The following ZNF787 variants were observed in gnomAD, a reference collection of about 807,000 sequenced individuals.
ZNF787 encodes TTF-I-interacting peptide 20.
In ZNF787, 7 loss-of-function variants were observed where a neutral mutation model predicts 16.9. The observed-to-expected ratio is 0.42, with a 90% confidence interval of 0.24 to 0.78. ZNF787 has a LOEUF of 0.78. Ranked by LOEUF, ZNF787 falls within the 30% of genes least tolerant of loss-of-function variation. ZNF787 has a pLI of 0.30. For synonymous variants in ZNF787, 345 were observed against 270.9 expected, an observed-to-expected ratio of 1.27 and a Z score of -2.69; for missense variants, 551 against 589.3, an observed-to-expected ratio of 0.94 and a Z score of 0.67.
At chr19:56,096,853 C>T (rs541863178) in intron 2 of ZNF787, among the ~76,000 whole-genome samples, 7 of 152,280 alleles carry the variant, frequency 4.6e-5, no homozygotes, top group South Asian at 2.1e-4. Context: ...CTGTTGGCAC[C>T]GCTCCCTCCT....
At chr19:56,098,007 C>A (rs574380516) in intron 2 of ZNF787, among the ~76,000 whole-genome samples, 47 of 152,198 alleles carry the variant, frequency 3.1e-4, no homozygotes, top group Non-Finnish European at 5.6e-4. Flanking sequence ...AGCAAGGGCA[C>A]CCCCGGTCAG....
At chr19:56,105,925 CGCCCACGGCA>C (rs1184651392) in intron 1 of ZNF787, among the ~76,000 whole-genome samples, 2 of 146,002 alleles carry the variant, frequency 1.4e-5, no homozygotes, top group African/African-American at 5.1e-5. Flanking sequence ...CCGCCCTCCG[CGCCCACGGCA>C]GTCACCGCGC....
chr19:56,100,445 C>T (rs764350237), intron 2 of ZNF787, among the ~76,000 whole-genome samples: 6 of 152,194 alleles, frequency 3.9e-5, no homozygotes, highest in Non-Finnish European at 5.9e-5. Flanking sequence ...AGGGCCTGGA[C>T]GCTAATTCCG....
At chr19:56,090,865 C>T (rs1162896120) in intron 2 of ZNF787, among the ~76,000 whole-genome samples, 2 of 152,206 alleles carry the variant, frequency 1.3e-5, no homozygotes, top group Non-Finnish European at 2.9e-5. Context: ...CCTCCAGACG[C>T]ACTGTATGAG....
intron 2 of ZNF787, among the ~76,000 whole-genome samples, chr19:56,096,742 CAAAAT>C (rs1985889100): frequency 2.0e-5 from 3 of 151,136 alleles, no homozygotes; most frequent in South Asian, 2.1e-4. Flanking sequence ...AAAAATAAAA[CAAAAT>C]AAAATAAAGA....
At position 56,109,247 on chromosome 19, in the gene ZNF787, G is replaced by C. The variant is rs1018712967; in HGVS notation, c.-10-6020C>G. 2.6e-5 allele frequency among the ~76,000 whole-genome samples: 4 copies of C among 152,356 alleles called. No individual in the cohort carries two copies. In the South Asian group the frequency reaches 6.2e-4, roughly 24 times the overall value. On this transcript the variant is annotated intron_variant, in intron 1 of 2. Coordinates refer to ENST00000610935, the MANE Select transcript of ZNF787 (RefSeq NM_001002836.4). ...CGTATCGGAACTGGTAGATGGCTGGGTGCTGGGGGCCAGCAGTGAAGGCGA... is the reference window on the plus strand; with the variant it reads ...CGTATCGGAACTGGTAGATGGCTGGCTGCTGGGGGCCAGCAGTGAAGGCGA...
At chr19:56,103,753 G>C (rs1009833613) in intron 1 of ZNF787, among the ~76,000 whole-genome samples, 1 of 152,072 alleles carries the variant, frequency 6.6e-6, no homozygotes, top group African/African-American at 2.4e-5. Context: ...CACCGTGAGG[G>C]TCTCTGCGCA....
chr19:56,092,792 G>A (rs934988048), intron 2 of ZNF787, among the ~76,000 whole-genome samples: 2 of 151,904 alleles, frequency 1.3e-5, no homozygotes, highest in Non-Finnish European at 2.9e-5. Context: ...GCGGAACTGG[G>A]ATACCCCATA....
intron 1 of ZNF787, among the ~76,000 whole-genome samples, chr19:56,108,986 C>G (rs1353073478): frequency 1.3e-5 from 2 of 152,004 alleles, no homozygotes; most frequent in Non-Finnish European, 2.9e-5. Flanking sequence ...ATGGGGAAAC[C>G]GGGAGGAACT....
chr19:56,110,539 GA>G (rs916735463), intron 1 of ZNF787, among the ~76,000 whole-genome samples: 8 of 150,750 alleles, frequency 5.3e-5, no homozygotes, highest in East Asian at 3.9e-4. Flanking sequence ...AAAAGCACAG[GA>G]AAAAAAGGGA....
At chr19:56,090,311 G>A (rs540871358) in intron 2 of ZNF787, among the ~76,000 whole-genome samples, 15 of 152,158 alleles carry the variant, frequency 9.9e-5, no homozygotes, top group African/African-American at 3.6e-4. Flanking sequence ...AGGCACTAGG[G>A]AGTCGAGTCA....
intron 2 of ZNF787, among the ~76,000 whole-genome samples, chr19:56,093,628 G>C (rs1400237503): frequency 3.9e-5 from 6 of 152,152 alleles, no homozygotes; most frequent in African/African-American, 1.4e-4. Flanking sequence ...GGTTCCTCAG[G>C]AAGGGCACAG....
At chr19:56,118,700 C>G (rs953961914) in intron 1 of ZNF787, among the ~76,000 whole-genome samples, 39 of 152,146 alleles carry the variant, frequency 2.6e-4, no homozygotes, top group Non-Finnish European at 4.4e-5. Flanking sequence ...CCACAGAGGC[C>G]CCAGCACCTG....
At chr19:56,090,768 G>A (rs1163727272) in intron 2 of ZNF787, among the ~76,000 whole-genome samples, 2 of 152,236 alleles carry the variant, frequency 1.3e-5, no homozygotes, top group African/African-American at 4.8e-5. Flanking sequence ...GTTGCAGTGA[G>A]CTGAGATCAC....
At chr19:56,092,239 A>C (rs567300374) in intron 2 of ZNF787, among the ~76,000 whole-genome samples, 53 of 152,370 alleles carry the variant, frequency 3.5e-4, no homozygotes, top group South Asian at 2.5e-3. Context: ...TGGTGGCAGC[A>C]GTTACCCTTG....
chr19:56,108,875 C>G (rs528309839), intron 1 of ZNF787, among the ~76,000 whole-genome samples: 1 of 152,300 alleles, frequency 6.6e-6, no homozygotes, highest in South Asian at 2.1e-4. Flanking sequence ...GCTTGCAGCC[C>G]GACCAGGCTA....
chr19:56,108,811 C>T (rs748315783), intron 1 of ZNF787, among the ~76,000 whole-genome samples: 3 of 152,200 alleles, frequency 2.0e-5, no homozygotes, highest in Admixed American at 6.5e-5. Flanking sequence ...GACAGACCCC[C>T]GTGGGCTCTG....
chr19:56,116,073 G>C (rs953218993), intron 1 of ZNF787, among the ~76,000 whole-genome samples: 2 of 152,036 alleles, frequency 1.3e-5, no homozygotes, highest in African/African-American at 4.8e-5. Flanking sequence ...TGTCGGGGGA[G>C]GGTGCAGGCG....
intron 1 of ZNF787, among the ~76,000 whole-genome samples, chr19:56,109,662 G>C (rs966697240): frequency 1.3e-5 from 2 of 152,176 alleles, no homozygotes; most frequent in Admixed American, 6.5e-5. Flanking sequence ...GGGAGGCCGA[G>C]GCGGGTGGAT....
Sources: gnomAD v4.1 joint callset for allele counts (sites outside exome capture counted in the v4.1 genomes callset) on GRCh38, gnomAD v4.1.1 for gene constraint, MANE v1.5 for transcripts, NCBI Gene and HGNC (gene_info 2026-07-23, HGNC 2026-07-21) for gene names.